The following SORCS1 variants were observed in gnomAD, a reference collection of about 807,000 sequenced individuals.
SORCS1 encodes the protein VPS10 domain-containing receptor SorCS1.
In SORCS1, 60 loss-of-function variants were observed where a neutral mutation model predicts 146.1. The ratio of observed to expected loss-of-function variants is 0.41; its 90% confidence interval spans 0.33 to 0.51. SORCS1 has a LOEUF of 0.51. SORCS1 is among the 20% of genes least tolerant of loss of function. The pLI is 0.21. For missense variants in SORCS1, 1,352 were observed against 1,487.6 expected (o/e 0.91, Z 1.50); for synonymous variants, 637 against 584.0 (o/e 1.09, Z -1.31).
At chr10:106,937,952 A>G (rs1329053018) in intron 2 of SORCS1, among the ~76,000 whole-genome samples, 2 of 145,350 alleles carry the variant, frequency 1.4e-5, no homozygotes, top group Non-Finnish European at 3.0e-5. Flanking sequence ...CAACAGAGCA[A>G]GACTCTGTCT....
At chr10:106,671,986 G>A (rs1386995298) in intron 15 of SORCS1, among the ~76,000 whole-genome samples, 2 of 152,190 alleles carry the variant, frequency 1.3e-5, no homozygotes, top group African/African-American at 4.8e-5. Context: ...CTATTGTTAA[G>A]CCTCTGAATA....
intron 1 of SORCS1, among the ~76,000 whole-genome samples, chr10:107,069,369 CT>C (rs894784533): frequency 1.3e-5 from 2 of 151,722 alleles, no homozygotes; most frequent in African/African-American, 2.4e-5. Context: ...TTTTCTTTTC[CT>C]TTTTTTTCTT....
the SORCS1 span, among the ~76,000 whole-genome samples, chr10:107,171,482 ATTAACT>A: frequency 0.097 from 14,589 of 150,226 alleles, 734 homozygotes; most frequent in African/African-American, 0.13. Flanking sequence ...AGCTTGAGAA[ATTAACT>A]TTAGAAAAGG....
chr10:106,662,754 A>G (rs2135389787), intron 17 of SORCS1, among the ~76,000 whole-genome samples: 1 of 152,190 alleles, frequency 6.6e-6, no homozygotes, highest in South Asian at 2.1e-4. Flanking sequence ...GCATGAAATG[A>G]CCTTCCTCAC....
chr10:107,156,625 A>G (rs987620708), intron 1 of SORCS1, among the ~76,000 whole-genome samples: 1 of 152,234 alleles, frequency 6.6e-6, no homozygotes, highest in African/African-American at 2.4e-5. Flanking sequence ...TACATCTGGT[A>G]ACTCAGTTAT....
chr10:106,782,547 T>G (rs1267827947), intron 3 of SORCS1, among the ~76,000 whole-genome samples: 1 of 152,240 alleles, frequency 6.6e-6, no homozygotes, highest in African/African-American at 2.4e-5. Context: ...CAGTACCTCT[T>G]GGCCAATTCC....
chr10:106,928,874 T>C (rs1953233027), intron 2 of SORCS1, among the ~76,000 whole-genome samples: 2 of 151,166 alleles, frequency 1.3e-5, no homozygotes, highest in African/African-American at 4.8e-5. Flanking sequence ...GCAAATAAAC[T>C]TTCTGTATTT....
At position 106,786,042 on chromosome 10, in the gene SORCS1, C is replaced by T. The variant is rs561028851; in HGVS notation, c.727-9350G>A. Among the ~76,000 whole-genome samples, 11 of 152,246 alleles carry T rather than the reference C, an allele frequency of 7.2e-5. No homozygotes were observed. The South Asian group carries it at 1.2e-3, about 17-fold the overall frequency. ...AGTCACAGCAGGAAAGACAGCAGTG[C>T]GGTGTTTTATGAAGATGATTTTTTT... On this transcript the variant is annotated intron_variant, in intron 3 of 25. Coordinates refer to ENST00000263054, the MANE Select transcript of SORCS1 (RefSeq NM_052918.5).
chr10:106,804,978 T>C (rs1481120613), intron 3 of SORCS1, among the ~76,000 whole-genome samples: 1 of 152,038 alleles, frequency 6.6e-6, no homozygotes, highest in African/African-American at 2.4e-5. Flanking sequence ...TAAGATTATG[T>C]GCAAACTATA....
At chr10:107,175,121 A>G in the SORCS1 span, among the ~76,000 whole-genome samples, 1 of 152,174 alleles carries the variant, frequency 6.6e-6, no homozygotes, top group African/African-American at 2.4e-5. Context: ...TGAACAAAAC[A>G]TTTTATTTTA....
chr10:106,925,806 C>A (rs1423549635), intron 2 of SORCS1, among the ~76,000 whole-genome samples: 1 of 152,098 alleles, frequency 6.6e-6, no homozygotes, highest in African/African-American at 2.4e-5. Flanking sequence ...AACACTAGAG[C>A]CCAACGGAGG....
At chr10:106,948,754 T>C (rs1954505671) in intron 2 of SORCS1, among the ~76,000 whole-genome samples, 2 of 151,870 alleles carry the variant, frequency 1.3e-5, no homozygotes, top group Non-Finnish European at 2.9e-5. Context: ...GGTCAGGAGA[T>C]TGAGACCATC....
chr10:106,811,645 A>C (rs2136794547), intron 3 of SORCS1, among the ~76,000 whole-genome samples: 1 of 152,340 alleles, frequency 6.6e-6, no homozygotes, highest in Non-Finnish European at 1.5e-5. Flanking sequence ...GCATATCTTT[A>C]GGATTTTCAT....
At chr10:107,077,640 C>T (rs1222271662) in intron 1 of SORCS1, among the ~76,000 whole-genome samples, 2 of 150,954 alleles carry the variant, frequency 1.3e-5, no homozygotes, top group South Asian at 2.1e-4. Flanking sequence ...CTCTTACATC[C>T]GTTTCACAGT....
At chr10:106,884,873 A>G (rs2137781671) in intron 2 of SORCS1, among the ~76,000 whole-genome samples, 1 of 152,350 alleles carries the variant, frequency 6.6e-6, no homozygotes, top group Non-Finnish European at 1.5e-5. Context: ...CTGGATTTTG[A>G]GTAAAATCAA....
At chr10:107,101,148 C>T (rs11595513) in intron 1 of SORCS1, among the ~76,000 whole-genome samples, 45,413 of 152,008 alleles carry the variant, frequency 0.3, 7,207 homozygotes, top group Middle Eastern at 0.45. Flanking sequence ...CAACCTCCAT[C>T]TCTCGGGCTC....
At position 106,606,274 on chromosome 10, in the gene SORCS1, T is replaced by TACACACACAC. The variant is rs6144077; in HGVS notation, c.3165+882_3165+891dup. Among the ~76,000 whole-genome samples the TACACACACAC allele has an allele frequency of 2.6e-3, 358 of 139,056 alleles. 2 individuals are homozygous for TACACACACAC. The highest frequency in any genetic ancestry group is 9.6e-3 in the African/African-American group (320 of 33,192). The allele number at this position is 139,056 out of a possible 152,430, so 91.2% of individuals were successfully genotyped here. ...AATCACACAAATACACACACAGATA[T>TACACACACAC]ACACACACACACACACACACACACA... On this transcript the variant is annotated intron_variant, in intron 23 of 25. Coordinates refer to ENST00000263054, the MANE Select transcript of SORCS1 (RefSeq NM_052918.5).
chr10:106,852,500 C>T (rs953311135), intron 2 of SORCS1, among the ~76,000 whole-genome samples: 40 of 151,824 alleles, frequency 2.6e-4, no homozygotes, highest in African/African-American at 7.2e-4. Context: ...TGGTGTTGCA[C>T]GCCTGTAGTC....
intron 1 of SORCS1, among the ~76,000 whole-genome samples, chr10:107,147,380 G>A (rs1256616540): frequency 6.6e-6 from 1 of 152,134 alleles, no homozygotes; most frequent in Non-Finnish European, 1.5e-5. Context: ...ACAGCCATCA[G>A]CCCATCCTAT....
Sources: gnomAD v4.1 joint callset for allele counts (sites outside exome capture counted in the v4.1 genomes callset) on GRCh38, gnomAD v4.1.1 for gene constraint, MANE v1.5 for transcripts, NCBI Gene and HGNC (gene_info 2026-07-23, HGNC 2026-07-21) for gene names.